The following RHOJ variants were observed in gnomAD, a reference collection of about 807,000 sequenced individuals.
RHOJ encodes rho-related GTP-binding protein RhoJ.
RHOJ carries 11 observed loss-of-function variants against 23.4 expected under a neutral mutation model. That is an observed-to-expected ratio of 0.47 (90% CI 0.30 to 0.78). The LOEUF (loss-of-function observed/expected upper bound fraction) is 0.78, where lower values mean the gene tolerates loss of function less well. RHOJ is among the 30% of genes least tolerant of loss of function. The pLI, the probability that RHOJ is intolerant of heterozygous loss-of-function variation, is 0.08. For missense variants in RHOJ, 254 were observed against 273.4 expected (o/e 0.93, Z 0.50); for synonymous variants, 102 against 102.7 (o/e 0.99, Z 0.04).
chr14:63,240,776 T>C (rs986108094), intron 1 of RHOJ, among the ~76,000 whole-genome samples: 5 of 152,228 alleles, frequency 3.3e-5, no homozygotes, highest in East Asian at 3.8e-4. Context: ...AATCAAGTTA[T>C]GTCAGGATTT....
rs1432664133 is a variant in RHOJ, at chr14:63,204,939, T to G, written c.70T>G (p.Cys24Gly). The G allele has an allele frequency of 1.9e-6, 3 of 1,613,996 alleles. No homozygotes were observed. The highest frequency in any genetic ancestry group is 2.5e-6 in the Non-Finnish European group (3 of 1,179,996). The stretch of plus-strand genomic sequence containing the variant: ...CAACGACGAGAAGAAGATGTTGAAG[T>G]GTGTGGTGGTGGGGGACGGTGCCGT... The part of the protein sequence containing the change: ...RGNDEKKMLK[C>G]VVVGDGAVGK... The change falls in exon 1 of 5, where the codon TGT (cysteine) becomes GGT (glycine). Residue 24 changes from cysteine (C) to glycine (G), a missense_variant. Cys to Gly is a radical substitution (Grantham distance 159). Coordinates refer to ENST00000316754, the MANE Select transcript of RHOJ (RefSeq NM_020663.5).
chr14:63,231,045 T>G (rs1246326421), intron 1 of RHOJ, among the ~76,000 whole-genome samples: 1 of 151,842 alleles, frequency 6.6e-6, no homozygotes, highest in African/African-American at 2.4e-5. Context: ...CCCACCACCA[T>G]GCCCAGCTAA....
chr14:63,230,618 G>A (rs780790623), intron 1 of RHOJ, among the ~76,000 whole-genome samples: 1 of 151,616 alleles, frequency 6.6e-6, no homozygotes, highest in African/African-American at 2.4e-5. Flanking sequence ...GTATAAAAAC[G>A]AGCTACTCTC....
At chr14:63,275,720 A>G (rs1594775491) in intron 2 of RHOJ, among the ~76,000 whole-genome samples, 1 of 152,192 alleles carries the variant, frequency 6.6e-6, no homozygotes, top group African/African-American at 2.4e-5. Context: ...AGAAGCAAAT[A>G]AGCACCTGTT....
intron 1 of RHOJ, among the ~76,000 whole-genome samples, chr14:63,266,048 C>T (rs1895361332): frequency 2.0e-5 from 3 of 152,150 alleles, no homozygotes; most frequent in African/African-American, 7.2e-5. Flanking sequence ...AAGTGCCAGA[C>T]TCTTAGTTAA....
intron 1 of RHOJ, among the ~76,000 whole-genome samples, chr14:63,223,043 A>G (rs1483689939): frequency 6.6e-6 from 1 of 152,196 alleles, no homozygotes; most frequent in African/African-American, 2.4e-5. Flanking sequence ...GACAAGGGAC[A>G]AGAAGGAGTC....
At chr14:63,208,318 C>T (rs1040528079) in intron 1 of RHOJ, among the ~76,000 whole-genome samples, 2 of 152,156 alleles carry the variant, frequency 1.3e-5, no homozygotes, top group Non-Finnish European at 2.9e-5. Context: ...TCCTTGACTC[C>T]CCAAGAATAA....
At position 63,204,857 on chromosome 14, in the gene RHOJ, T is replaced by C; in HGVS notation, c.-13T>C. 1 of 1,607,380 alleles carries C rather than the reference T, an allele frequency of 6.2e-7. No homozygotes were observed. The highest frequency in any genetic ancestry group is 8.5e-7 in the Non-Finnish European group (1 of 1,176,668). The stretch of plus-strand genomic sequence containing the variant: ...AATAGCAGCAGGAGTCCCCAGCAGC[T>C]GGAGCCGCAAGAATGAACTGCAAAG... On this transcript the variant is annotated 5_prime_UTR_variant, in exon 1 of 5. Coordinates refer to ENST00000316754, the MANE Select transcript of RHOJ (RefSeq NM_020663.5).
intron 4 of RHOJ, among the ~76,000 whole-genome samples, chr14:63,287,806 G>A (rs1396350675): frequency 2.0e-5 from 3 of 152,158 alleles, no homozygotes; most frequent in Non-Finnish European, 4.4e-5. Flanking sequence ...TAAACAAGGA[G>A]GCTTGAATCC....
In RHOJ at chr14:63,291,214, C is replaced by T. The variant is rs888215812; in HGVS notation, c.*190C>T. The T allele has an allele frequency of 9.0e-6, 6 of 665,034 alleles. No homozygotes were observed. Among genetic ancestry groups the T allele is most frequent in the Non-Finnish European group, 1.6e-5 (6 of 369,616 alleles). 41.2% of individuals were successfully genotyped at this position (665,034 alleles called of 1,614,324 possible). A position where few individuals can be genotyped will look rare whatever the true frequency, so the allele number is the denominator to read the frequency against. ...CCCACTGCCACGACCTCCCTGCCAG[C>T]CAGAAGCATCCGTACTGCACGCTGT... On this transcript the variant is annotated 3_prime_UTR_variant, in exon 5 of 5. Coordinates refer to ENST00000316754, the MANE Select transcript of RHOJ (RefSeq NM_020663.5).
intron 3 of RHOJ, among the ~76,000 whole-genome samples, 192 bp downstream of exon 3, chr14:63,281,327 A>G (rs933396858): frequency 2.0e-5 from 3 of 152,192 alleles, no homozygotes; most frequent in African/African-American, 7.2e-5. Context: ...GCTATTTAAT[A>G]TGGAGCAGAA....
chr14:63,277,570 C>T (rs1156632051), intron 2 of RHOJ, among the ~76,000 whole-genome samples: 1 of 152,154 alleles, frequency 6.6e-6, no homozygotes, highest in Non-Finnish European at 1.5e-5. Flanking sequence ...ATAAATGGCC[C>T]ACAGAAGTGC....
At chr14:63,253,883 T>A (rs1353469946) in intron 1 of RHOJ, among the ~76,000 whole-genome samples, 1 of 152,214 alleles carries the variant, frequency 6.6e-6, no homozygotes. Context: ...TTTTCACTAA[T>A]TCTTAAGTCT....
chr14:63,248,800 C>T (rs1895019801), intron 1 of RHOJ, among the ~76,000 whole-genome samples: 3 of 152,218 alleles, frequency 2.0e-5, no homozygotes, highest in South Asian at 2.1e-4. Context: ...TCAGCCCTGC[C>T]TTCTCAGGGT....
chr14:63,287,713 C>A (rs1882125550), intron 4 of RHOJ, among the ~76,000 whole-genome samples: 1 of 149,350 alleles, frequency 6.7e-6, no homozygotes, highest in African/African-American at 2.5e-5. Flanking sequence ...AGTGTTTTTT[C>A]AGTTTACACC....
intron 1 of RHOJ, among the ~76,000 whole-genome samples, chr14:63,230,718 C>CAT (rs1491195634): frequency 2.0e-5 from 3 of 147,566 alleles, no homozygotes; most frequent in East Asian, 2.5e-4. Context: ...CACACACACA[C>CAT]ATACACACTT....
At chr14:63,233,485 T>C (rs928810644) in intron 1 of RHOJ, among the ~76,000 whole-genome samples, 2 of 152,212 alleles carry the variant, frequency 1.3e-5, no homozygotes, top group African/African-American at 4.8e-5. Context: ...GGGGGAAAAG[T>C]AAAGACAGTA....
chr14:63,222,098 G>A (rs553960125), intron 1 of RHOJ, among the ~76,000 whole-genome samples: 5 of 151,484 alleles, frequency 3.3e-5, no homozygotes, highest in African/African-American at 1.2e-4. Flanking sequence ...CCTTGCGATA[G>A]TTTGCTGAGA....
intron 3 of RHOJ, among the ~76,000 whole-genome samples, chr14:63,282,025 A>G (rs1229042336): frequency 1.3e-5 from 2 of 152,248 alleles, no homozygotes; most frequent in Non-Finnish European, 2.9e-5. Context: ...CAGTAGATGT[A>G]TTTACTTAGA....
Sources: allele counts gnomAD v4.1 joint callset (sites outside exome capture counted in the v4.1 genomes callset), GRCh38; gene constraint gnomAD v4.1.1; transcripts MANE v1.5; gene names NCBI Gene and HGNC (gene_info 2026-07-23, HGNC 2026-07-21).